CADPS: variants seen among roughly 807,000 people sequenced by gnomAD.
CADPS encodes calcium-dependent secretion activator 1.
In CADPS, 57 loss-of-function variants were observed where a neutral mutation model predicts 167.3. That is an observed-to-expected ratio of 0.34 (90% CI 0.28 to 0.42). The LOEUF is 0.42. CADPS is among the 20% of genes least tolerant of loss of function. The pLI, the probability that CADPS is intolerant of heterozygous loss-of-function variation, is 1.00. For synonymous variants in CADPS, 676 were observed against 635.3 expected (o/e 1.06, Z -0.96); for missense variants, 1,414 against 1,738.1 (o/e 0.81, Z 3.32).
intron 3 of CADPS, among the ~76,000 whole-genome samples, chr3:62,737,891 C>T (rs1360600180): frequency 6.6e-6 from 1 of 152,136 alleles, no homozygotes; most frequent in African/African-American, 2.4e-5. Context: ...CACCATTATC[C>T]TCTGTCTCCT....
chr3:62,442,598 A>G (rs1416498977), intron 27 of CADPS, among the ~76,000 whole-genome samples: 2 of 152,306 alleles, frequency 1.3e-5, no homozygotes, highest in Admixed American at 1.3e-4. Flanking sequence ...CATGGTGTAA[A>G]TACTCCCATC....
At chr3:62,670,919 T>TA (rs1432542829) in intron 3 of CADPS, among the ~76,000 whole-genome samples, 1 of 152,212 alleles carries the variant, frequency 6.6e-6, no homozygotes, top group Non-Finnish European at 1.5e-5. Flanking sequence ...GCAAGCTTTC[T>TA]ATGTGCCCTG....
intron 28 of CADPS, among the ~76,000 whole-genome samples, chr3:62,409,090 A>C (rs34772651): frequency 9.2e-5 from 14 of 152,110 alleles, no homozygotes; most frequent in African/African-American, 3.4e-4. Flanking sequence ...ATTGACTTGA[A>C]CTCAAGATGT....
At chr3:62,541,191 A>G (rs758936867) in intron 11 of CADPS, among the ~76,000 whole-genome samples, 1 of 152,172 alleles carries the variant, frequency 6.6e-6, no homozygotes, top group Non-Finnish European at 1.5e-5. Context: ...AATTTCAATC[A>G]TCTTTACCTG....
chr3:62,719,301 G>C (rs2075296059), intron 3 of CADPS, among the ~76,000 whole-genome samples: 1 of 152,210 alleles, frequency 6.6e-6, no homozygotes, highest in Admixed American at 6.5e-5. Context: ...GGCACATGCT[G>C]TTCCTTCTGT....
chr3:62,858,792 C>T (rs892997523), intron 1 of CADPS, among the ~76,000 whole-genome samples: 7 of 151,998 alleles, frequency 4.6e-5, no homozygotes, highest in South Asian at 2.1e-4. Flanking sequence ...TCTCATCCAA[C>T]GTAAATGTCT....
intron 7 of CADPS, among the ~76,000 whole-genome samples, chr3:62,591,014 C>T (rs1355123391): frequency 6.6e-6 from 1 of 151,964 alleles, no homozygotes; most frequent in East Asian, 1.9e-4. Context: ...GCCACCACGC[C>T]CGGCTAATTT....
intron 3 of CADPS, among the ~76,000 whole-genome samples, chr3:62,678,184 C>T (rs1187800268): frequency 1.3e-5 from 2 of 151,956 alleles, no homozygotes; most frequent in Non-Finnish European, 2.9e-5. Context: ...ACACACAATC[C>T]CCTCTCCTTG....
At chr3:62,686,073 C>G (rs1273106003) in intron 3 of CADPS, among the ~76,000 whole-genome samples, 3 of 152,016 alleles carry the variant, frequency 2.0e-5, no homozygotes, top group Non-Finnish European at 4.4e-5. Context: ...TTGCATATAT[C>G]AAAACATCAC....
At chr3:62,599,093 C>T (rs2059321638) in intron 6 of CADPS, among the ~76,000 whole-genome samples, 1 of 151,966 alleles carries the variant, frequency 6.6e-6, no homozygotes, top group African/African-American at 2.4e-5. Flanking sequence ...AAGATGAATA[C>T]CTCTTTAAAG....
chr3:62,816,074 T>C (rs972445396), intron 1 of CADPS, among the ~76,000 whole-genome samples: 1 of 152,156 alleles, frequency 6.6e-6, no homozygotes, highest in Non-Finnish European at 1.5e-5. Flanking sequence ...TATATTTTAG[T>C]AAAGCTTTAA....
chr3:62,544,933 C>G lies in CADPS; in HGVS notation c.1966+4970G>C. On this transcript the variant is annotated intron_variant, in intron 11 of 29. Coordinates refer to ENST00000383710, the MANE Select transcript of CADPS (RefSeq NM_003716.4). The surrounding 1 kb of genome is among the most constrained non-coding windows in gnomAD (Gnocchi z 4.4). ...TAGCAACAAGGCTCAGGAAAGCAGA[C>G]AGGAGTTCTAACCTAGCAGCCTAAG... is the stretch of plus-strand genomic sequence containing the variant. 1.1e-6 allele frequency: 1 copy of G among 930,032 alleles called. No homozygotes were observed. The highest frequency in any genetic ancestry group is 1.4e-6 in the Non-Finnish European group (1 of 718,612). 57.6% of individuals were successfully genotyped at this position (930,032 alleles called of 1,614,324 possible). A position where few individuals can be genotyped will look rare whatever the true frequency, so the allele number is the denominator to read the frequency against.
chr3:62,806,764 T>TA (rs879434008), intron 1 of CADPS, among the ~76,000 whole-genome samples: 87 of 152,192 alleles, frequency 5.7e-4, no homozygotes, highest in Admixed American at 1.4e-3. Flanking sequence ...GTGATTTTTT[T>TA]AAAAAAGGAA....
At chr3:62,461,450 C>T (rs1364191942) in intron 26 of CADPS, among the ~76,000 whole-genome samples, 1 of 152,166 alleles carries the variant, frequency 6.6e-6, no homozygotes, top group Non-Finnish European at 1.5e-5. Context: ...ACTCTCAGGA[C>T]TCCTAGCTCA....
intron 28 of CADPS, among the ~76,000 whole-genome samples, chr3:62,417,499 G>A (rs146003215): frequency 4.0e-5 from 6 of 151,646 alleles, no homozygotes; most frequent in South Asian, 4.2e-4. Flanking sequence ...TGGCCAGGCT[G>A]GTCTTGAACT....
chr3:62,523,062 A>T (rs2071112756), intron 13 of CADPS, among the ~76,000 whole-genome samples: 1 of 152,178 alleles, frequency 6.6e-6, no homozygotes, highest in African/African-American at 2.4e-5. Flanking sequence ...GATAGGAAAG[A>T]TGTCATGTCG....
chr3:62,717,103 A>G (rs750087653), intron 3 of CADPS, among the ~76,000 whole-genome samples: 110 of 152,316 alleles, frequency 7.2e-4, no homozygotes, highest in Non-Finnish European at 1.2e-3. Context: ...TCTATATGCA[A>G]ATATCTCCAT....
chr3:62,497,330 C>G (rs1216196261), intron 18 of CADPS, among the ~76,000 whole-genome samples: 1 of 152,112 alleles, frequency 6.6e-6, no homozygotes, highest in African/African-American at 2.4e-5. Context: ...AAACTGTGCT[C>G]TTTGTATTTA....
intron 3 of CADPS, among the ~76,000 whole-genome samples, chr3:62,697,628 G>T (rs1334680255): frequency 6.6e-6 from 1 of 152,028 alleles, no homozygotes; most frequent in Non-Finnish European, 1.5e-5. Context: ...ATCCAGGAAT[G>T]GGATTGCTGG....
Sources: allele counts gnomAD v4.1 joint callset (sites outside exome capture counted in the v4.1 genomes callset), GRCh38; gene constraint gnomAD v4.1.1; non-coding constraint Gnocchi (gnomAD v3.1); transcripts MANE v1.5; gene names NCBI Gene and HGNC (gene_info 2026-07-23, HGNC 2026-07-21).